ROR1: variants seen among roughly 807,000 people sequenced by gnomAD.
ROR1 encodes ROR family WNT receptor 1.
A neutral mutation model predicts 78.8 loss-of-function variants in ROR1; 19 were observed. The ratio of observed to expected loss-of-function variants is 0.24; its 90% CI spans 0.17 to 0.35. The LOEUF (loss-of-function observed/expected upper bound fraction) is 0.35, where lower values mean the gene tolerates loss of function less well. Among genes scored for constraint, ROR1 ranks in the 10% least tolerant of loss-of-function variants. ROR1 has a pLI of 1.00. For missense variants in ROR1, 917 were observed against 1,177.8 expected, an observed-to-expected ratio of 0.78 and a Z score of 3.24; for synonymous variants, 386 against 433.6, an observed-to-expected ratio of 0.89 and a Z score of 1.36.
At position 64,016,733 on chromosome 1, in the gene ROR1, T is replaced by TTATATATATATATATATATATATATA. The variant is rs58622476; in HGVS notation, c.163+7373_163+7374insTATATATATATATATATATATATATA. On this transcript the variant is annotated intron_variant, in intron 2 of 8. Coordinates refer to ENST00000371079, the MANE Select transcript of ROR1 (RefSeq NM_005012.4). ...ATGTACCCTAGAACTTAAAATATAA[T>TTATATATATATATATATATATATATA]TATATATATATATATAAAGATTTTA... 4.7e-3 allele frequency among the ~76,000 whole-genome samples: 666 copies of TTATATATATATATATATATATATATA among 140,452 alleles called. 3 individuals carry two copies. The highest frequency in any genetic ancestry group is 9.6e-3 in the South Asian group (40 of 4,148). 92.1% of individuals were successfully genotyped at this position (140,452 alleles called of 152,430 possible).
chr1:63,960,950 T>A (rs1646022501), intron 1 of ROR1, among the ~76,000 whole-genome samples: 2 of 152,170 alleles, frequency 1.3e-5, no homozygotes, highest in Non-Finnish European at 2.9e-5. Context: ...AGAATTAACA[T>A]GACTATGACA....
At chr1:63,904,724 T>A (rs1263450972) in intron 1 of ROR1, among the ~76,000 whole-genome samples, 1 of 152,058 alleles carries the variant, frequency 6.6e-6, no homozygotes, top group Non-Finnish European at 1.5e-5. Flanking sequence ...ACGAGGAGAT[T>A]AGGAAACTCA....
Position 64,177,465 on chromosome 1 carries a change from T to C in ROR1, c.1424T>C (p.Phe475Ser), listed in dbSNP as rs1650414858. 2 of 1,614,186 alleles carry C rather than the reference T, an allele frequency of 1.2e-6. No individual in the cohort carries two copies. The highest frequency in any genetic ancestry group is 4.5e-5 in the East Asian group (2 of 44,874). ...GAGCTACCTCTTTCTGCTGTACGCTTTATGGAAGAATTGGGTGAGTGTGCC... is the reference window on the plus strand; with the variant it reads ...GAGCTACCTCTTTCTGCTGTACGCTCTATGGAAGAATTGGGTGAGTGTGCC... ...AKELPLSAVRFMEELGECAFG... is the reference protein window; with the variant it reads ...AKELPLSAVRSMEELGECAFG... Residue 475 changes from phenylalanine to serine, a missense_variant, in exon 9 of 9, where the codon TTT (phenylalanine) becomes TCT (serine). This residue lies in a region of ROR1 where 835 missense variants were observed against 1,069.8 expected (regional missense o/e 0.78). Coordinates refer to ENST00000371079, the MANE Select transcript of ROR1 (RefSeq NM_005012.4).
intron 4 of ROR1, chr1:64,106,815 C>T (rs1041799871): frequency 6.6e-6 from 1 of 152,080 alleles, no homozygotes; most frequent in Non-Finnish European, 1.5e-5. Flanking sequence ...CCAGCTTGAT[C>T]GTGATGGATA....
intron 4 of ROR1, among the ~76,000 whole-genome samples, chr1:64,132,390 CCT>C (rs1430351018): frequency 1.3e-5 from 2 of 152,050 alleles, no homozygotes; most frequent in Non-Finnish European, 2.9e-5. Flanking sequence ...TGTTTGAGTA[CCT>C]GTTTTCAATT....
At chr1:63,799,110 AGAT>A (rs1644780144) in intron 1 of ROR1, among the ~76,000 whole-genome samples, 1 of 151,934 alleles carries the variant, frequency 6.6e-6, no homozygotes, top group Non-Finnish European at 1.5e-5. Context: ...TGTAAAGAAG[AGAT>A]GATCATGTCT....
intron 1 of ROR1, among the ~76,000 whole-genome samples, chr1:63,813,050 A>T (rs1215674096): frequency 6.6e-6 from 1 of 152,062 alleles, no homozygotes; most frequent in East Asian, 1.9e-4. Flanking sequence ...GGTCTTCAAG[A>T]TAGAAACAAA....
chr1:64,080,104 C>T (rs779526049), intron 4 of ROR1, among the ~76,000 whole-genome samples: 8 of 152,232 alleles, frequency 5.3e-5, no homozygotes, highest in Admixed American at 1.3e-4. Flanking sequence ...AAGATGTTTG[C>T]GCATCTTTCA....
Position 63,774,626 on chromosome 1 carries a change from GGC to G in ROR1, c.91+119_91+120del, listed in dbSNP as rs1407527092. The G allele has an allele frequency of 2.3e-6, 1 of 433,090 alleles. No homozygotes were observed. The highest frequency in any genetic ancestry group is 3.1e-6 in the Non-Finnish European group (1 of 324,158). The allele number at this position is 433,090 out of a possible 1,614,324, so 26.8% of individuals were successfully genotyped here. Reference sequence around the variant, plus strand: ...GCCGCGCTGGCTCCGGGGCGCGTCCGGCCACCCGCCACGGGGCTCGCCGGCGC... The same window carrying G: ...GCCGCGCTGGCTCCGGGGCGCGTCCGCACCCGCCACGGGGCTCGCCGGCGC... On this transcript the variant is annotated intron_variant, in intron 1 of 8. Transcript: ENST00000371079. This position sits in a 1 kb window ranked among gnomAD's most constrained non-coding sequence, Gnocchi z 5.7.
chr1:63,939,386 G>A (rs1216937743), intron 1 of ROR1, among the ~76,000 whole-genome samples: 2 of 151,636 alleles, frequency 1.3e-5, no homozygotes, highest in Admixed American at 1.3e-4. Context: ...TTTTCGAGAG[G>A]GTGGTATGCC....
chr1:63,953,512 A>G (rs1249764533), intron 1 of ROR1, among the ~76,000 whole-genome samples: 1 of 152,252 alleles, frequency 6.6e-6, no homozygotes, highest in Non-Finnish European at 1.5e-5. Flanking sequence ...ACTGTACCAC[A>G]TGTAACTGAA....
At chr1:63,795,214 G>A (rs1271939557) in intron 1 of ROR1, among the ~76,000 whole-genome samples, 1 of 152,194 alleles carries the variant, frequency 6.6e-6, no homozygotes, top group Non-Finnish European at 1.5e-5. Context: ...CGCTGAGAGG[G>A]CTCTTGTGGC....
intron 8 of ROR1, among the ~76,000 whole-genome samples, chr1:64,160,002 C>T (rs1462284524): frequency 1.3e-5 from 2 of 152,064 alleles, no homozygotes; most frequent in Non-Finnish European, 2.9e-5. Flanking sequence ...CAATCCCAGG[C>T]CTCTCAGCAA....
intron 1 of ROR1, among the ~76,000 whole-genome samples, chr1:63,821,231 A>G (rs763441315): frequency 5.3e-5 from 8 of 152,198 alleles, no homozygotes; most frequent in Non-Finnish European, 1.0e-4. Context: ...AGCTTCAGAA[A>G]GTCAGGTTCC....
intron 7 of ROR1, among the ~76,000 whole-genome samples, chr1:64,150,079 A>G (rs1173228168): frequency 6.6e-6 from 1 of 152,100 alleles, no homozygotes; most frequent in Non-Finnish European, 1.5e-5. Context: ...TTATATTTAA[A>G]CCATGGGCCT....
chr1:64,072,685 G>A (rs1054588821), intron 4 of ROR1, among the ~76,000 whole-genome samples: 1 of 152,116 alleles, frequency 6.6e-6, no homozygotes, highest in African/African-American at 2.4e-5. Flanking sequence ...GTCTGCCAGG[G>A]AATGGGAGAG....
chr1:64,069,898 C>T (rs750249849), intron 4 of ROR1, among the ~76,000 whole-genome samples: 1 of 152,134 alleles, frequency 6.6e-6, no homozygotes, highest in Non-Finnish European at 1.5e-5. Flanking sequence ...TTCAGTGGCA[C>T]TTAGTACATT....
chr1:63,860,602 C>CACACACACACACACACAT (rs1249309148), intron 1 of ROR1, among the ~76,000 whole-genome samples: 1 of 148,774 alleles, frequency 6.7e-6, no homozygotes, highest in African/African-American at 2.5e-5. Context: ...CACACACACA[C>CACACACACACACACACAT]ACATACACAC....
chr1:63,813,759 C>A (rs1456124567), intron 1 of ROR1, among the ~76,000 whole-genome samples: 1 of 152,206 alleles, frequency 6.6e-6, no homozygotes, highest in Non-Finnish European at 1.5e-5. Flanking sequence ...AAATGTCCAA[C>A]AAAGACAAAG....
Sources: gnomAD v4.1 joint callset for allele counts (sites outside exome capture counted in the v4.1 genomes callset) on GRCh38, gnomAD v4.1.1 for gene constraint, gnomAD v4.1.1 regional missense constraint, Gnocchi (gnomAD v3.1) non-coding constraint, MANE v1.5 for transcripts, NCBI Gene and HGNC (gene_info 2026-07-23, HGNC 2026-07-21) for gene names.